Variants in CARMIL1 observed in about 807,000 individuals in gnomAD.
The protein encoded by CARMIL1 is F-actin-uncapping protein LRRC16A.
CARMIL1 carries 90 observed loss-of-function variants against 177.1 expected under a neutral mutation model. That is an observed-to-expected ratio of 0.51 (90% confidence interval 0.43 to 0.61). The LOEUF (loss-of-function observed/expected upper bound fraction) is 0.61, where lower values mean the gene tolerates loss of function less well. Ranked by LOEUF, CARMIL1 falls within the 20% of genes least tolerant of loss-of-function variation. The probability of loss-of-function intolerance (pLI) is 0.00; values close to 1 mark genes in which losing one functional copy is unlikely to be tolerated. For synonymous variants in CARMIL1, 577 were observed against 606.2 expected (o/e 0.95, Z 0.71); for missense variants, 1,380 against 1,667.0 (o/e 0.83, Z 3.00).
In CARMIL1 at chr6:25,296,361, G is replaced by T. The variant is rs181044819; in HGVS notation, c.138+11452G>T. 3.6e-3 allele frequency among the ~76,000 whole-genome samples: 553 copies of T among 152,308 alleles called. 2 individuals are homozygous for T. Among genetic ancestry groups the T allele is most frequent in the African/African-American group, 0.012 (504 of 41,546 alleles). On this transcript the variant is annotated intron_variant, in intron 2 of 36. Coordinates refer to ENST00000329474, the MANE Select transcript of CARMIL1 (RefSeq NM_017640.6). ...CCTCCTTGCTGAGGCCCTCAAGAGT[G>T]CAGCCTGCTTTTCTGTGTCCTTTCA... is the stretch of plus-strand genomic sequence containing the variant.
intron 20 of CARMIL1, among the ~76,000 whole-genome samples, chr6:25,513,855 A>T (rs769123146): frequency 6.6e-6 from 1 of 152,154 alleles, no homozygotes; most frequent in Non-Finnish European, 1.5e-5. Flanking sequence ...CAATAACCAT[A>T]TAATTTGTTT....
chr6:25,499,187 G>T (rs1804055084), intron 16 of CARMIL1, among the ~76,000 whole-genome samples: 1 of 152,158 alleles, frequency 6.6e-6, no homozygotes, highest in Admixed American at 6.5e-5. Flanking sequence ...GTATTTTTGG[G>T]GTATGCTGAG....
chr6:25,373,154 T>C (rs1790592515), intron 2 of CARMIL1, among the ~76,000 whole-genome samples: 1 of 152,176 alleles, frequency 6.6e-6, no homozygotes, highest in African/African-American at 2.4e-5. Context: ...TTTGCTAGTA[T>C]TTTGTTGAGG....
chr6:25,589,123 C>A (rs538211587), intron 31 of CARMIL1, among the ~76,000 whole-genome samples: 1 of 152,354 alleles, frequency 6.6e-6, no homozygotes, highest in South Asian at 2.1e-4. Flanking sequence ...GCTTAAAAAT[C>A]CCTACACAGC....
intron 20 of CARMIL1, 105 bp downstream of exon 20, chr6:25,510,867 A>G: frequency 3.0e-6 from 2 of 675,652 alleles, no homozygotes; most frequent in South Asian, 4.4e-5. Flanking sequence ...AGTTTTATCA[A>G]CGTGTACATT....
chr6:25,528,867 G>T lies in CARMIL1; in HGVS notation c.2041G>T (p.Gly681Cys). ...AGAGCAGGCCTACCGCCTGCAGCAG[G>T]GTATTGTCACCAGCACCACCCAGCA... ...LQEQAYRLQQ[G>C]IVTSTTQQMI... Residue 681 changes from glycine (G) to cysteine (C), a missense_variant, in exon 24 of 37, where the codon GGT becomes TGT. By Grantham distance (159) the Gly-to-Cys change is radical. Coordinates refer to ENST00000329474, the MANE Select transcript of CARMIL1 (RefSeq NM_017640.6). 1 of 1,609,798 alleles carries T rather than the reference G, an allele frequency of 6.2e-7. No individual in the cohort carries two copies. The highest frequency in any genetic ancestry group is 2.2e-5 in the East Asian group (1 of 44,736).
chr6:25,321,877 C>T (rs1341737021), intron 2 of CARMIL1, among the ~76,000 whole-genome samples: 1 of 152,016 alleles, frequency 6.6e-6, no homozygotes, highest in Non-Finnish European at 1.5e-5. Flanking sequence ...CCAGGATGGT[C>T]TCAATCTCCT....
intron 32 of CARMIL1, among the ~76,000 whole-genome samples, chr6:25,598,792 G>A (rs1006214087): frequency 4.6e-5 from 7 of 152,140 alleles, no homozygotes; most frequent in African/African-American, 1.4e-4. Context: ...AGAGCTTGTC[G>A]ACTGGTGGGC....
intron 2 of CARMIL1, among the ~76,000 whole-genome samples, chr6:25,303,203 A>G (rs1783007025): frequency 6.6e-6 from 1 of 151,742 alleles, no homozygotes; most frequent in South Asian, 2.1e-4. Context: ...TTCAGTGATG[A>G]CACTCCATTT....
At chr6:25,395,966 G>A (rs1168853703) in intron 2 of CARMIL1, among the ~76,000 whole-genome samples, 7 of 152,158 alleles carry the variant, frequency 4.6e-5, no homozygotes. Flanking sequence ...CAGTTTCTGT[G>A]CCTTGCCCTC....
Position 25,515,084 on chromosome 6 carries a change from G to A in CARMIL1, c.1633-591G>A, listed in dbSNP as rs1805841242. On this transcript the variant is annotated intron_variant, in intron 20 of 36. Coordinates refer to ENST00000329474, the MANE Select transcript of CARMIL1 (RefSeq NM_017640.6). This position sits in a 1 kb window ranked among gnomAD's most constrained non-coding sequence, Gnocchi z 5.0. ...AGGTGCTTTCTAACAATGTAACCTT[G>A]GTTGAGTCACCTAACTTTTCTGTTT... 6.6e-6 allele frequency among the ~76,000 whole-genome samples: 1 copy of A among 152,232 alleles called. No individual in the cohort carries two copies. The highest frequency in any genetic ancestry group is 2.4e-5 in the African/African-American group (1 of 41,452).
At chr6:25,388,344 T>G (rs1314930266) in intron 2 of CARMIL1, 1 of 152,002 alleles carries the variant, frequency 6.6e-6, no homozygotes, top group Non-Finnish European at 1.5e-5. Flanking sequence ...GTTTTGTCTT[T>G]TAGATGTGGA....
chr6:25,294,108 C>T (rs967641931), intron 2 of CARMIL1, among the ~76,000 whole-genome samples: 2 of 151,878 alleles, frequency 1.3e-5, no homozygotes, highest in African/African-American at 2.4e-5. Flanking sequence ...TGTAGATGCA[C>T]AGGACGTCCT....
intron 5 of CARMIL1, among the ~76,000 whole-genome samples, chr6:25,444,621 G>A (rs936954119): frequency 9.2e-5 from 14 of 152,262 alleles, no homozygotes; most frequent in Middle Eastern, 6.8e-3. Context: ...AGAAGATGCG[G>A]TGTTTGGTTT....
chr6:25,303,100 A>G (rs973913577), intron 2 of CARMIL1, among the ~76,000 whole-genome samples: 5 of 148,066 alleles, frequency 3.4e-5, no homozygotes, highest in Admixed American at 6.7e-5. Context: ...TGTACTTTCA[A>G]CTTTTGGCTG....
Position 25,610,070 on chromosome 6 carries a change from T to A in CARMIL1, c.3868T>A (p.Ser1290Thr). The A allele has an allele frequency of 1.2e-6, 2 of 1,613,962 alleles. No homozygotes were observed. The highest frequency in any genetic ancestry group is 1.1e-5 in the South Asian group (1 of 91,066). Reference protein sequence around the residue: ...SRPDDIPDSPSSPKVALLPPV... With the variant: ...SRPDDIPDSPTSPKVALLPPV... Reference sequence around the variant, plus strand: ...CTTAGATGACATTCCAGACTCTCCATCTAGCCCGAAAGTTGCCCTTCTTCC... The same window carrying A: ...CTTAGATGACATTCCAGACTCTCCAACTAGCCCGAAAGTTGCCCTTCTTCC... The change falls in exon 36 of 37, where the codon TCT becomes ACT. Residue 1290 changes from serine (S) to threonine (T), a missense_variant. Transcript: ENST00000329474.
In CARMIL1 at chr6:25,510,427, C is replaced by T. The variant is rs537154694; in HGVS notation, c.1478-80C>T. 9 of 820,496 alleles carry T rather than the reference C, an allele frequency of 1.1e-5. No individual in the cohort carries two copies. In the East Asian group the frequency reaches 2.4e-4, roughly 22 times the overall value. The allele number at this position is 820,496 out of a possible 1,614,324, so 50.8% of individuals were successfully genotyped here. A position where few individuals can be genotyped will look rare whatever the true frequency, so the allele number is the denominator to read the frequency against. ...AAGGAAGTCATCCAACTATATGTCA[C>T]CTTTGCTTAATTGTGTTCCAGCTGA... On this transcript the variant is annotated intron_variant, in intron 18 of 36. Coordinates refer to ENST00000329474, the MANE Select transcript of CARMIL1 (RefSeq NM_017640.6).
intron 2 of CARMIL1, among the ~76,000 whole-genome samples, chr6:25,379,749 C>T (rs576000181): frequency 2.0e-5 from 3 of 152,232 alleles, no homozygotes; most frequent in African/African-American, 7.2e-5. Context: ...CAAAAGGGCA[C>T]TTTTCTGTGA....
intron 2 of CARMIL1, among the ~76,000 whole-genome samples, chr6:25,332,596 G>A (rs373256355): frequency 6.6e-6 from 1 of 152,066 alleles, no homozygotes; most frequent in Non-Finnish European, 1.5e-5. Context: ...TGTTGAGGAA[G>A]AAGGGAAGGA....
Sources: gnomAD v4.1 joint callset for allele counts (sites outside exome capture counted in the v4.1 genomes callset) on GRCh38, gnomAD v4.1.1 for gene constraint, Gnocchi (gnomAD v3.1) non-coding constraint, MANE v1.5 for transcripts, NCBI Gene and HGNC (gene_info 2026-07-23, HGNC 2026-07-21) for gene names.